Variants in ATL3 observed in about 807,000 individuals in gnomAD.
ATL3 encodes the protein atlastin GTPase 3.
Under a neutral mutation model 69.5 loss-of-function variants are expected in ATL3, and 49 were observed. That is an observed-to-expected ratio of 0.71 (90% CI 0.56 to 0.89). The LOEUF (loss-of-function observed/expected upper bound fraction) is 0.89. Among genes scored for constraint, ATL3 ranks in the 40% least tolerant of loss-of-function variants. ATL3 has a pLI of 0.00. For synonymous variants in ATL3, 214 were observed against 224.1 expected, an observed-to-expected ratio of 0.95 and a Z score of 0.40; for missense variants, 606 against 645.7, an observed-to-expected ratio of 0.94 and a Z score of 0.67.
At chr11:63,635,824 A>AT (rs1040722063) in intron 9 of ATL3, among the ~76,000 whole-genome samples, 3 of 149,334 alleles carry the variant, frequency 2.0e-5, no homozygotes, top group African/African-American at 7.4e-5. Context: ...CCAGCTCCCC[A>AT]TGCACGCTGG....
intron 4 of ATL3, 114 bp from the exon 5 acceptor site, chr11:63,652,100 T>C: frequency 1.4e-6 from 2 of 1,468,004 alleles, no homozygotes; most frequent in Non-Finnish European, 1.8e-6. Flanking sequence ...TATAAGAACA[T>C]GAGGCCTGTT....
intron 11 of ATL3, chr11:63,632,258 T>C (rs1939346176): frequency 1.4e-6 from 1 of 735,588 alleles, no homozygotes; most frequent in East Asian, 2.5e-5. Flanking sequence ...TTCTGACTTG[T>C]TGGCTATGCT....
intron 1 of ATL3, among the ~76,000 whole-genome samples, chr11:63,666,109 A>G (rs1258391810): frequency 6.6e-6 from 1 of 151,936 alleles, no homozygotes; most frequent in Non-Finnish European, 1.5e-5. Flanking sequence ...GCCTCCCAGT[A>G]TCATCTCACT....
intron 8 of ATL3, among the ~76,000 whole-genome samples, chr11:63,642,737 A>C (rs1289387053): frequency 2.6e-5 from 4 of 152,262 alleles, no homozygotes; most frequent in African/African-American, 9.6e-5. Context: ...CAAAGTACCT[A>C]GCATAGTGTT....
intron 1 of ATL3, among the ~76,000 whole-genome samples, chr11:63,660,382 T>C (rs1331476748): frequency 6.6e-6 from 1 of 152,202 alleles, no homozygotes; most frequent in Non-Finnish European, 1.5e-5. Context: ...TACCACTACC[T>C]GCCCATCAGA....
intron 12 of ATL3, 106 bp downstream of exon 12, chr11:63,630,934 G>A: frequency 8.9e-7 from 1 of 1,118,184 alleles, no homozygotes; most frequent in East Asian, 2.4e-5. Flanking sequence ...AGTGGCCACT[G>A]TCTCATGTCT....
intron 1 of ATL3, among the ~76,000 whole-genome samples, chr11:63,663,137 G>C (rs61928198): frequency 1.3e-5 from 2 of 150,440 alleles, no homozygotes; most frequent in Admixed American, 6.6e-5. Flanking sequence ...TTTTTTTTTG[G>C]AGACAGTATT....
chr11:63,655,656 A>G (rs1021297551), intron 3 of ATL3, among the ~76,000 whole-genome samples: 3 of 151,914 alleles, frequency 2.0e-5, no homozygotes, highest in Admixed American at 2.0e-4. Context: ...CATGTTGGTC[A>G]GGCTAGTCTC....
Position 63,625,599 on chromosome 11 carries a change from C to T in ATL3, c.*3720G>A, listed in dbSNP as rs950399183. On this transcript the variant is annotated 3_prime_UTR_variant, in exon 13 of 13. Transcript: ENST00000398868. ...ACCATTTTACAAGCCAAGTAGAACA[C>T]TGTGTGTGATCCACTAATGAAACCA... 6.6e-6 allele frequency: 1 copy of T among 152,244 alleles called. No homozygotes were observed. Among genetic ancestry groups the T allele is most frequent in the Non-Finnish European group, 1.5e-5 (1 of 68,058 alleles). The allele number at this position is 152,244 out of a possible 1,614,324, so 9.4% of individuals were successfully genotyped here.
At chr11:63,636,757 A>C (rs1939531805) in intron 8 of ATL3, among the ~76,000 whole-genome samples, 1 of 137,760 alleles carries the variant, frequency 7.3e-6, no homozygotes, top group Admixed American at 7.3e-5. Context: ...AAAAAAAAAA[A>C]GTGGGAGAGA....
chr11:63,628,231 G>C lies in ATL3; in HGVS notation c.*1088C>G, dbSNP rs1291703779. 2 of 151,332 alleles carry C rather than the reference G, an allele frequency of 1.3e-5. No homozygotes were observed. Among genetic ancestry groups the C allele is most frequent in the Non-Finnish European group, 2.9e-5 (2 of 67,916 alleles). The allele number at this position is 151,332 out of a possible 1,614,324, so 9.4% of individuals were successfully genotyped here. A position where few individuals can be genotyped will look rare whatever the true frequency, so the allele number is the denominator to read the frequency against. ...TTCATTTAAACTTAGCTTTTTTCTTGAAGTATCTAGCGCATTCCTTTTATT... is the reference window on the plus strand; with the variant it reads ...TTCATTTAAACTTAGCTTTTTTCTTCAAGTATCTAGCGCATTCCTTTTATT... On this transcript the variant is annotated 3_prime_UTR_variant, in exon 13 of 13. Transcript: ENST00000398868.
Position 63,633,037 on chromosome 11 carries a change from T to C in ATL3, c.1096A>G (p.Asn366Asp). 6.2e-7 allele frequency: 1 copy of C among 1,614,058 alleles called. No individual in the cohort carries two copies. The highest frequency in any genetic ancestry group is 8.5e-7 in the Non-Finnish European group (1 of 1,179,896). ...AASAKDIYYN[N>D]MEEVCGGEKP... ...TATGTCCCACGTACCTCTTCCATGTTGTTATAATAAATGTCCTTGGCAGAG... is the reference window on the plus strand; with the variant it reads ...TATGTCCCACGTACCTCTTCCATGTCGTTATAATAAATGTCCTTGGCAGAG... The change falls in exon 11 of 13, where the codon AAC (asparagine) becomes GAC (aspartate). Residue 366 changes from asparagine (N) to aspartate (D), a missense_variant. Transcript: ENST00000398868.
At chr11:63,635,364 T>A (rs1328159659) in intron 10 of ATL3, among the ~76,000 whole-genome samples, 170 bp downstream of exon 10, 2 of 151,224 alleles carry the variant, frequency 1.3e-5, no homozygotes, top group Non-Finnish European at 2.9e-5. Context: ...ACAAGTGAAC[T>A]AGAAAAGGTC....
At position 63,631,139 on chromosome 11, in the gene ATL3, C is replaced by T. The variant is rs1024861653; in HGVS notation, c.1440G>A (p.Leu480=). The T allele has an allele frequency of 6.8e-6, 11 of 1,614,054 alleles. No individual in the cohort carries two copies. The highest frequency in any genetic ancestry group is 1.3e-5 in the African/African-American group (1 of 74,904). Reference sequence around the variant, plus strand: ...AGCCCCAGGTGAGGAGTGCTATTAACAGTAGTCCAACCATACAGTTGAACA... The same window carrying T: ...AGCCCCAGGTGAGGAGTGCTATTAATAGTAGTCCAACCATACAGTTGAACA... ...AQLFNCMVGL[L]LIALLTWGYI... is the part of the protein sequence containing the mutation. Residue 480 remains leucine, a synonymous_variant, in exon 12 of 13, where the codon CTG becomes CTA. Transcript: ENST00000398868.
intron 11 of ATL3, among the ~76,000 whole-genome samples, chr11:63,632,011 G>A (rs1939337593): frequency 6.6e-6 from 1 of 152,152 alleles, no homozygotes; most frequent in South Asian, 2.1e-4. Context: ...GTCGACTTCT[G>A]CAGGGCCCAG....
chr11:63,648,814 A>T (rs1939974954), intron 5 of ATL3, among the ~76,000 whole-genome samples: 1 of 151,816 alleles, frequency 6.6e-6, no homozygotes, highest in South Asian at 2.1e-4. Flanking sequence ...GTCTCTAAAA[A>T]AAAAAAGCAA....
intron 1 of ATL3, 68 bp downstream of exon 1, chr11:63,671,222 T>C: frequency 6.7e-7 from 1 of 1,500,550 alleles, no homozygotes; most frequent in Admixed American, 2.4e-5. Flanking sequence ...GGGGGTTCTT[T>C]TCAGAACTAC....
Position 63,625,183 on chromosome 11 carries a change from A to G in ATL3, c.*4136T>C. 6.6e-6 allele frequency: 1 copy of G among 151,998 alleles called. No homozygotes were observed. Among genetic ancestry groups the G allele is most frequent in the East Asian group, 1.9e-4 (1 of 5,204 alleles). 9.4% of individuals were successfully genotyped at this position (151,998 alleles called of 1,614,324 possible). ...GGGCTTCTTAATGTCATTTTTAAAA[A>G]TTAATCACACAAATAGTTTGTACTT... On this transcript the variant is annotated 3_prime_UTR_variant, in exon 13 of 13. Coordinates refer to ENST00000398868, the MANE Select transcript of ATL3 (RefSeq NM_015459.5).
intron 11 of ATL3, chr11:63,632,612 C>T (rs1004528003): frequency 1.1e-6 from 1 of 883,578 alleles, no homozygotes; most frequent in African/African-American, 1.6e-5. Flanking sequence ...TTACTATGGA[C>T]CTATTCCATA....
Sources: allele counts gnomAD v4.1 joint callset (sites outside exome capture counted in the v4.1 genomes callset), GRCh38; gene constraint gnomAD v4.1.1; transcripts MANE v1.5; gene names NCBI Gene and HGNC (gene_info 2026-07-23, HGNC 2026-07-21).